SEC61A1: variants seen among roughly 807,000 people sequenced by gnomAD.
SEC61A1 encodes the protein protein transport protein Sec61 subunit alpha isoform 1.
A neutral mutation model predicts 55.2 loss-of-function variants in SEC61A1; 15 were observed. The observed-to-expected ratio is 0.27, with a 90% CI of 0.18 to 0.42. The LOEUF (loss-of-function observed/expected upper bound fraction) is 0.42, where lower values mean the gene tolerates loss of function less well. SEC61A1 is among the 10% of genes least tolerant of loss of function. The pLI, the probability that SEC61A1 is intolerant of heterozygous loss-of-function variation, is 1.00. For synonymous variants in SEC61A1, 247 were observed against 234.0 expected (o/e 1.06, Z -0.51); for missense variants, 284 against 602.6 (o/e 0.47, Z 5.53).
Position 128,067,668 on chromosome 3 carries a change from G to A in SEC61A1, c.1167+56G>A. 7.5e-7 allele frequency: 1 copy of A among 1,341,060 alleles called. No homozygotes were observed. The highest frequency in any genetic ancestry group is 1.0e-6 in the Non-Finnish European group (1 of 958,224). 83.1% of individuals were successfully genotyped at this position (1,341,060 alleles called of 1,614,324 possible). A position where few individuals can be genotyped will look rare whatever the true frequency, so the allele number is the denominator to read the frequency against. On this transcript the variant is annotated intron_variant, in intron 10 of 11. Coordinates refer to ENST00000243253, the MANE Select transcript of SEC61A1 (RefSeq NM_013336.4). The surrounding 1 kb of genome is among the most constrained non-coding windows in gnomAD (Gnocchi z 4.1). ...GATGAAAGTGTGACTGGTATAAGGG[G>A]TGTGGACTTGTCACCTCATCATAAA...
intron 2 of SEC61A1, among the ~76,000 whole-genome samples, chr3:128,053,598 A>G (rs2107640357): frequency 6.6e-6 from 1 of 152,384 alleles, no homozygotes; most frequent in Non-Finnish European, 1.5e-5. Context: ...CTGTTGTTAA[A>G]GCATTCACAT....
chr3:128,067,021 A>G lies in SEC61A1; in HGVS notation c.845A>G (p.Lys282Arg). ...GGCCAGTACAACACCTATCCCATCAAGCTCTTCTATACGTCCAACATCCCC... is the reference window on the plus strand; with the variant it reads ...GGCCAGTACAACACCTATCCCATCAGGCTCTTCTATACGTCCAACATCCCC... ...YRGQYNTYPI[K>R]LFYTSNIPII... Residue 282 changes from lysine (K) to arginine (R), a missense_variant, in exon 9 of 12, where the codon AAG becomes AGG. Transcript: ENST00000243253. This position sits in a 1 kb window ranked among gnomAD's most constrained non-coding sequence, Gnocchi z 4.1. 2 of 1,614,178 alleles carry G rather than the reference A, an allele frequency of 1.2e-6. No individual in the cohort carries two copies. Among genetic ancestry groups the G allele is most frequent in the South Asian group, 1.1e-5 (1 of 91,080 alleles).
At chr3:128,065,110 C>A in intron 8 of SEC61A1, 73 bp downstream of exon 8, 3 of 1,472,418 alleles carry the variant, frequency 2.0e-6, no homozygotes, top group Non-Finnish European at 2.9e-6. Context: ...TGTGCAGTCC[C>A]CCACTCTGTG....
At chr3:128,052,624 G>A in intron 1 of SEC61A1, 65 bp downstream of exon 1, 1 of 1,556,788 alleles carries the variant, frequency 6.4e-7, no homozygotes, top group Non-Finnish European at 8.7e-7. Context: ...CCACACCCGT[G>A]CGGTCGGGCG....
At position 128,069,591 on chromosome 3, in the gene SEC61A1, A is replaced by G. The variant is rs757208336; in HGVS notation, c.1360A>G (p.Ile454Val). The G allele has an allele frequency of 8.2e-5, 132 of 1,613,980 alleles. No individual in the cohort carries two copies. The highest frequency in any genetic ancestry group is 1.1e-4 in the Non-Finnish European group (128 of 1,180,032). Reference protein sequence around the residue: ...GTGILLAVTIIYQYFEIFVKE... With the variant: ...GTGILLAVTIVYQYFEIFVKE... ...CGGGATCCTGCTCGCAGTCACAATC[A>G]TCTACCAGTACTTTGAGATCTTCGT... Residue 454 changes from isoleucine (I) to valine (V), a missense_variant, in exon 12 of 12, where the codon ATC becomes GTC. Coordinates refer to ENST00000243253, the MANE Select transcript of SEC61A1 (RefSeq NM_013336.4).
chr3:128,052,824 T>G lies in SEC61A1; in HGVS notation c.8-11T>G. On this transcript the variant is annotated splice_polypyrimidine_tract_variant and intron_variant, in intron 1 of 11. Transcript: ENST00000243253. ...GTCCCAACTCTTCCTGTTTTGTTTCTCCCATCAAAGTCAAATTTCTGGAAG... is the reference window on the plus strand; with the variant it reads ...GTCCCAACTCTTCCTGTTTTGTTTCGCCCATCAAAGTCAAATTTCTGGAAG... 1 of 1,612,440 alleles carries G rather than the reference T, an allele frequency of 6.2e-7. No individual in the cohort carries two copies. The highest frequency in any genetic ancestry group is 1.3e-5 in the African/African-American group (1 of 74,990).
At chr3:128,062,432 G>A (rs1264239920) in intron 7 of SEC61A1, among the ~76,000 whole-genome samples, 1 of 152,218 alleles carries the variant, frequency 6.6e-6, no homozygotes, top group African/African-American at 2.4e-5. Context: ...CTGGGCAGCA[G>A]GAACAATGCA....
upstream of SEC61A1, chr3:128,052,226 C>T: frequency 2.7e-6 from 1 of 369,974 alleles, no homozygotes; most frequent in South Asian, 4.4e-5. Context: ...GCCGCACACC[C>T]CCAGTCCCGG....
At chr3:128,052,032 AC>A (rs1941682188), upstream of SEC61A1, 3 of 781,198 alleles carry the variant, frequency 3.8e-6, no homozygotes. Flanking sequence ...CTATTCACTA[AC>A]GTCAAAGAGC....
At chr3:128,054,738 T>G (rs946462095) in intron 2 of SEC61A1, among the ~76,000 whole-genome samples, 1 of 152,230 alleles carries the variant, frequency 6.6e-6, no homozygotes, top group African/African-American at 2.4e-5. Context: ...TCTAAAGCCA[T>G]TAATGTAGTG....
chr3:128,054,182 G>A (rs1011125794), intron 2 of SEC61A1, among the ~76,000 whole-genome samples: 2 of 152,208 alleles, frequency 1.3e-5, no homozygotes, highest in African/African-American at 4.8e-5. Context: ...CTGTGGTACT[G>A]AGCAAGAATG....
chr3:128,052,128 C>A (rs1941685069), upstream of SEC61A1, among the ~76,000 whole-genome samples: 1 of 152,194 alleles, frequency 6.6e-6, no homozygotes, highest in African/African-American at 2.4e-5. Flanking sequence ...TCGCGCCTGC[C>A]TCAGTTTCTC....
At chr3:128,060,259 C>T (rs1369014065) in intron 6 of SEC61A1, 48 bp downstream of exon 6, 1 of 1,340,024 alleles carries the variant, frequency 7.5e-7, no homozygotes, top group Non-Finnish European at 1.1e-6. Context: ...TCACACTTAC[C>T]TACAATTCTC....
intron 5 of SEC61A1, among the ~76,000 whole-genome samples, chr3:128,057,568 TTAAC>T (rs1941789712): frequency 1.8e-4 from 3 of 16,844 alleles, no homozygotes; most frequent in Non-Finnish European, 3.2e-4. Context: ...ATAAAAGAAT[TTAAC>T]TGACTGGGGG....
rs1370389007 is a variant in SEC61A1 at position 128,069,959 on chromosome 3, C to T, written c.*297C>T. 2 of 274,028 alleles carry T rather than the reference C, an allele frequency of 7.3e-6. No homozygotes were observed. The highest frequency in any genetic ancestry group is 1.4e-5 in the Non-Finnish European group (2 of 145,202). 17.0% of individuals were successfully genotyped at this position (274,028 alleles called of 1,614,324 possible). A position where few individuals can be genotyped will look rare whatever the true frequency, so the allele number is the denominator to read the frequency against. On this transcript the variant is annotated 3_prime_UTR_variant, in exon 12 of 12. Coordinates refer to ENST00000243253, the MANE Select transcript of SEC61A1 (RefSeq NM_013336.4). ...GTAACTTTTGTTTTAACCTTTGCAC[C>T]TTCTCAGTGCTGTATGCGGCTGCAG...
In SEC61A1 at chr3:128,069,899, G is replaced by A. The variant is rs919426585; in HGVS notation, c.*237G>A. The A allele has an allele frequency of 3.6e-5, 19 of 527,318 alleles. No homozygotes were observed. In the East Asian group the frequency reaches 6.4e-4, roughly 18 times the overall value. 32.7% of individuals were successfully genotyped at this position (527,318 alleles called of 1,614,324 possible). ...TTTTATTCAGCCGACTGCCAGAGAA[G>A]TGGGAATGGTATAGGATTGTCCCCA... On this transcript the variant is annotated 3_prime_UTR_variant, in exon 12 of 12. Transcript: ENST00000243253.
intron 4 of SEC61A1, 151 bp downstream of exon 4, chr3:128,055,902 T>C: frequency 1.5e-6 from 1 of 666,056 alleles, no homozygotes; most frequent in Non-Finnish European, 2.6e-6. Context: ...AATAGCCTTA[T>C]TAAATGCTGA....
intron 5 of SEC61A1, among the ~76,000 whole-genome samples, chr3:128,058,201 ATTTTTTTTTTT>A (rs57508280): frequency 3.8e-5 from 3 of 79,358 alleles, no homozygotes; most frequent in African/African-American, 5.0e-5. Flanking sequence ...AAATACGTCT[ATTTTTTTTTTT>A]TTTTTTTTTT....
intron 6 of SEC61A1, 58 bp from the exon 7 acceptor site, chr3:128,060,450 C>A: frequency 6.4e-7 from 1 of 1,570,606 alleles, no homozygotes; most frequent in Non-Finnish European, 8.7e-7. Context: ...TACTGAAGGA[C>A]GGAACCATGT....
Sources: allele counts gnomAD v4.1 joint callset (sites outside exome capture counted in the v4.1 genomes callset), GRCh38; gene constraint gnomAD v4.1.1; non-coding constraint Gnocchi (gnomAD v3.1); transcripts MANE v1.5; gene names NCBI Gene and HGNC (gene_info 2026-07-23, HGNC 2026-07-21).